TPRG1: variants seen among roughly 807,000 people sequenced by gnomAD.
The protein encoded by TPRG1 is tumor protein p63-regulated gene 1 protein.
In TPRG1, 29 loss-of-function variants were observed where a neutral mutation model predicts 29.3. The observed-to-expected ratio is 0.99, with a 90% CI of 0.74 to 1.35. The LOEUF is 1.35. Ranked by LOEUF, TPRG1 falls within the 40% of genes most tolerant of loss-of-function variation. TPRG1 has a pLI of 0.00. For missense variants in TPRG1, 327 were observed against 335.0 expected, an observed-to-expected ratio of 0.98 and a Z score of 0.19; for synonymous variants, 130 against 116.8, an observed-to-expected ratio of 1.11 and a Z score of -0.73.
chr3:189,244,062 C>T (rs1741016574), intron 4 of TPRG1, among the ~76,000 whole-genome samples: 1 of 152,092 alleles, frequency 6.6e-6, no homozygotes. Context: ...ATGCCCTATT[C>T]CTGGTACCAA....
chr3:189,113,672 A>T (rs1368076704), intron 1 of TPRG1, among the ~76,000 whole-genome samples: 1 of 151,148 alleles, frequency 6.6e-6, no homozygotes, highest in African/African-American at 2.4e-5. Flanking sequence ...TATATGCTGG[A>T]TTACATTTAT....
chr3:189,230,468 C>T (rs1738465320), intron 3 of TPRG1, among the ~76,000 whole-genome samples: 1 of 152,144 alleles, frequency 6.6e-6, no homozygotes, highest in Non-Finnish European at 1.5e-5. Flanking sequence ...TGCATGTGAT[C>T]TGGCTTCTGC....
intron 1 of TPRG1, among the ~76,000 whole-genome samples, chr3:189,198,930 C>A (rs1040125316): frequency 6.6e-6 from 1 of 152,186 alleles, no homozygotes; most frequent in African/African-American, 2.4e-5. Flanking sequence ...TTGTCTTTAT[C>A]ATTTTCTTCT....
chr3:189,198,658 G>A (rs187621999), intron 1 of TPRG1, among the ~76,000 whole-genome samples: 23 of 152,268 alleles, frequency 1.5e-4, no homozygotes, highest in Admixed American at 1.0e-3. Flanking sequence ...ACTTAATGGC[G>A]GCTCTATATC....
At chr3:189,058,483 T>C (rs1188035778) in intron 4 of TPRG1, among the ~76,000 whole-genome samples, 1 of 152,210 alleles carries the variant, frequency 6.6e-6, no homozygotes, top group Non-Finnish European at 1.5e-5. Context: ...TAATTAATTC[T>C]GCTTTATTCT....
At chr3:189,158,928 GTTTT>G (rs57590939) in intron 5 of TPRG1, among the ~76,000 whole-genome samples, 4 of 147,908 alleles carry the variant, frequency 2.7e-5, no homozygotes, top group African/African-American at 1.0e-4. Context: ...TTTTTTTTTT[GTTTT>G]TTTTTGTTTT....
intron 4 of TPRG1, among the ~76,000 whole-genome samples, chr3:189,049,452 C>T (rs1359676749): frequency 1.3e-5 from 2 of 152,096 alleles, no homozygotes; most frequent in Non-Finnish European, 2.9e-5. Flanking sequence ...CTCCAGTGAC[C>T]TGGGAATCTC....
At chr3:189,216,000 T>C (rs1560564613) in intron 3 of TPRG1, among the ~76,000 whole-genome samples, 1 of 152,152 alleles carries the variant, frequency 6.6e-6, no homozygotes, top group Non-Finnish European at 1.5e-5. Flanking sequence ...ACAAAGATGG[T>C]TACCTTTCTA....
At chr3:189,303,158 G>A (rs1265321377) in intron 4 of TPRG1, among the ~76,000 whole-genome samples, 1 of 152,170 alleles carries the variant, frequency 6.6e-6, no homozygotes, top group African/African-American at 2.4e-5. Context: ...AGGAGCCAAG[G>A]ACACAGGACA....
Position 189,018,057 on chromosome 3 carries a change from G to A in TPRG1, c.-659-5693G>A, listed in dbSNP as rs529917910. Among the ~76,000 whole-genome samples, 295 of 152,120 alleles carry A rather than the reference G, an allele frequency of 1.9e-3. 3 individuals are homozygous for A. The highest frequency in any genetic ancestry group is 6.8e-3 in the African/African-American group (284 of 41,478). Reference sequence around the variant, plus strand: ...TGAGAAGTGTCTGTTCATGTCCTTTGCCCACTTTTTGATGGGGTTGTTTGT... The same window carrying A: ...TGAGAAGTGTCTGTTCATGTCCTTTACCCACTTTTTGATGGGGTTGTTTGT... On this transcript the variant is annotated intron_variant, in intron 3 of 10. Transcript: ENST00000433971.
chr3:189,289,596 G>T (rs141304184), intron 4 of TPRG1, among the ~76,000 whole-genome samples: 2 of 152,222 alleles, frequency 1.3e-5, no homozygotes, highest in East Asian at 3.9e-4. Flanking sequence ...GTAAAATGGG[G>T]ATGATGATAG....
intron 1 of TPRG1, among the ~76,000 whole-genome samples, chr3:189,191,747 C>G (rs1443469748): frequency 6.6e-6 from 1 of 152,158 alleles, no homozygotes; most frequent in East Asian, 1.9e-4. Context: ...AAGACCTGGG[C>G]TCTCCTTCCT....
chr3:189,111,813 C>A (rs910467462), intron 1 of TPRG1, among the ~76,000 whole-genome samples: 3 of 152,060 alleles, frequency 2.0e-5, no homozygotes, highest in Non-Finnish European at 4.4e-5. Flanking sequence ...CAAGTCTTGC[C>A]TTGTTGCACT....
rs112774674 is a variant in TPRG1 at position 189,178,399 on chromosome 3, C to A, written c.-10+6268C>A. Among the ~76,000 whole-genome samples the A allele has an allele frequency of 4.6e-5, 7 of 152,226 alleles. 1 individual carries two copies. The highest frequency in any genetic ancestry group is 1.7e-4 in the African/African-American group (7 of 41,536). ...CAAAAATTAGCTAGGCATGGTGATG[C>A]GCATCTGTAGTCCCAGCTACTCGCA... On this transcript the variant is annotated intron_variant, in intron 1 of 5. Coordinates refer to ENST00000345063, the MANE Select transcript of TPRG1 (RefSeq NM_198485.4).
intron 4 of TPRG1, among the ~76,000 whole-genome samples, chr3:189,056,000 A>ATCTC (rs1179496944): frequency 6.9e-6 from 1 of 144,636 alleles, no homozygotes; most frequent in Non-Finnish European, 1.5e-5. Flanking sequence ...TTGTATGAGG[A>ATCTC]TCTCTCTCTC....
rs565912413 is a variant in TPRG1 at position 189,182,716 on chromosome 3, T to C, written c.-10+10585T>C. Among the ~76,000 whole-genome samples the C allele has an allele frequency of 2.3e-3, 352 of 152,306 alleles. 3 individuals carry two copies. The highest frequency in any genetic ancestry group is 7.7e-3 in the African/African-American group (321 of 41,568). ...GTACGTAAAAAGGGAGCAACATGAA[T>C]AATTAACAATAGAAAGTAAATAATA... On this transcript the variant is annotated intron_variant, in intron 1 of 5. Transcript: ENST00000345063.
chr3:189,120,009 T>C (rs539075824), intron 1 of TPRG1, among the ~76,000 whole-genome samples: 25 of 152,326 alleles, frequency 1.6e-4, no homozygotes, highest in Admixed American at 1.6e-3. Flanking sequence ...AGTTGTCAAG[T>C]GTCTTGGAGA....
chr3:189,099,844 T>C (rs1325927350), upstream of TPRG1, among the ~76,000 whole-genome samples: 1 of 152,180 alleles, frequency 6.6e-6, no homozygotes, highest in Non-Finnish European at 1.5e-5. Flanking sequence ...TGTTGAGTTA[T>C]CTAGTCCTGT....
chr3:189,227,351 A>T (rs1236600437), intron 3 of TPRG1, among the ~76,000 whole-genome samples: 2 of 152,092 alleles, frequency 1.3e-5, no homozygotes, highest in African/African-American at 4.8e-5. Flanking sequence ...TTCCTACCAG[A>T]GTTCCTGGAG....
Sources: allele counts gnomAD v4.1 joint callset (sites outside exome capture counted in the v4.1 genomes callset), GRCh38; gene constraint gnomAD v4.1.1; transcripts MANE v1.5; gene names NCBI Gene and HGNC (gene_info 2026-07-23, HGNC 2026-07-21).